The following SORBS2 variants were observed in gnomAD, a reference collection of about 807,000 sequenced individuals.
SORBS2 encodes the protein sorbin and SH3 domain-containing protein 2.
Under a neutral mutation model 97.7 loss-of-function variants are expected in SORBS2, and 46 were observed. The ratio of observed to expected loss-of-function variants is 0.47; its 90% CI spans 0.37 to 0.60. SORBS2 has a LOEUF of 0.60. SORBS2 is among the 20% of genes least tolerant of loss of function. The pLI is 0.00. For synonymous variants in SORBS2, 476 were observed against 473.4 expected (o/e 1.01, Z -0.07); for missense variants, 1,316 against 1,282.3 (o/e 1.03, Z -0.40).
chr4:185,663,869 T>C (rs1182987917), intron 4 of SORBS2, among the ~76,000 whole-genome samples: 1 of 141,672 alleles, frequency 7.1e-6, no homozygotes. Context: ...TTTTTTTTTT[T>C]TTTGAGATGG....
chr4:185,632,387 A>G (rs2096922409), intron 4 of SORBS2, among the ~76,000 whole-genome samples: 1 of 152,222 alleles, frequency 6.6e-6, no homozygotes, highest in Non-Finnish European at 1.5e-5. Flanking sequence ...CAAATATAAA[A>G]TCAGGAGAAA....
At chr4:185,598,005 G>A (rs2096155247) in intron 12 of SORBS2, among the ~76,000 whole-genome samples, 1 of 152,118 alleles carries the variant, frequency 6.6e-6, no homozygotes, top group African/African-American at 2.4e-5. Flanking sequence ...TTTGGTCCGT[G>A]TCCATTTCTA....
upstream of SORBS2, among the ~76,000 whole-genome samples, chr4:185,658,692 C>CTT (rs35439018): frequency 0.21 from 24,348 of 115,826 alleles, 2,972 homozygotes; most frequent in African/African-American, 0.27. Flanking sequence ...AATAAGTAAG[C>CTT]TTTTTTTTTT....
chr4:185,672,269 T>C (rs865940289), intron 4 of SORBS2, among the ~76,000 whole-genome samples: 2 of 152,242 alleles, frequency 1.3e-5, no homozygotes, highest in African/African-American at 2.4e-5. Flanking sequence ...CAAGTTCCCC[T>C]GTGAGTCCCC....
At chr4:185,806,460 T>G (rs1306972295) in intron 1 of SORBS2, among the ~76,000 whole-genome samples, 4 of 91,560 alleles carry the variant, frequency 4.4e-5, no homozygotes, top group Non-Finnish European at 6.7e-5. Context: ...TTTTTTTTTT[T>G]TTTTTTTTTT....
chr4:185,654,732 C>T (rs957551382), intron 1 of SORBS2, among the ~76,000 whole-genome samples: 1 of 152,182 alleles, frequency 6.6e-6, no homozygotes, highest in Non-Finnish European at 1.5e-5. Flanking sequence ...AAATAGTCTA[C>T]TCAAATTTCA....
In SORBS2 at chr4:185,616,983, G is replaced by A. The variant is rs146881051; in HGVS notation, c.2351+1602C>T. 2.7e-3 allele frequency among the ~76,000 whole-genome samples: 405 copies of A among 152,206 alleles called. 1 individual carries two copies. Among genetic ancestry groups the A allele is most frequent in the African/African-American group, 9.2e-3 (383 of 41,526 alleles). ...AGGCTGGTCTCGAACTTCTGACCTC[G>A]AGTGATCCATCTGCCTTGGCCTCCC... On this transcript the variant is annotated intron_variant, in intron 9 of 14. Transcript: ENST00000418609.
chr4:185,643,111 A>T (rs1479535117), intron 4 of SORBS2, among the ~76,000 whole-genome samples: 1 of 152,192 alleles, frequency 6.6e-6, no homozygotes, highest in Non-Finnish European at 1.5e-5. Context: ...GAAGCTCAAG[A>T]TCTCATGAGG....
chr4:185,710,069 C>G (rs1328107919), intron 2 of SORBS2: 1 of 152,066 alleles, frequency 6.6e-6, no homozygotes, highest in Non-Finnish European at 1.5e-5. Context: ...TGAAGGGAAC[C>G]AGGCCTCCGA....
At chr4:185,622,019 T>C (rs2096727537) in intron 7 of SORBS2, among the ~76,000 whole-genome samples, 1 of 152,244 alleles carries the variant, frequency 6.6e-6, no homozygotes, top group Non-Finnish European at 1.5e-5. Context: ...CATTCCAGCC[T>C]CTTAAAATTT....
intron 1 of SORBS2, among the ~76,000 whole-genome samples, chr4:185,781,295 C>A (rs982225032): frequency 2.0e-5 from 3 of 152,246 alleles, no homozygotes; most frequent in Admixed American, 2.0e-4. Flanking sequence ...AGCACCTCTG[C>A]TGTTTATGTA....
At chr4:185,631,535 G>A (rs1223408326) in intron 4 of SORBS2, among the ~76,000 whole-genome samples, 1 of 152,114 alleles carries the variant, frequency 6.6e-6, no homozygotes, top group Non-Finnish European at 1.5e-5. Context: ...GGCCAACGCG[G>A]GTGGATCACC....
chr4:185,745,774 G>T (rs1275028677), intron 2 of SORBS2, among the ~76,000 whole-genome samples: 1 of 152,006 alleles, frequency 6.6e-6, no homozygotes, highest in South Asian at 2.1e-4. Context: ...CCCCTCCCCC[G>T]ATTTGAAGAC....
At chr4:185,932,365 T>A (rs1334687234) in intron 1 of SORBS2, among the ~76,000 whole-genome samples, 1 of 151,666 alleles carries the variant, frequency 6.6e-6, no homozygotes, top group Non-Finnish European at 1.5e-5. Flanking sequence ...TTTTGACATG[T>A]CCACTGCTGC....
At chr4:185,944,375 C>G (rs1183217328) in intron 1 of SORBS2, among the ~76,000 whole-genome samples, 1 of 152,156 alleles carries the variant, frequency 6.6e-6, no homozygotes, top group African/African-American at 2.4e-5. Context: ...TAAATACTTA[C>G]ATAGATTGAG....
intron 12 of SORBS2, among the ~76,000 whole-genome samples, chr4:185,605,624 A>G (rs374626846): frequency 8.1e-5 from 12 of 147,404 alleles, no homozygotes; most frequent in Middle Eastern, 4.0e-3. Context: ...TCGCTCTGTC[A>G]CCCAGGCTGG....
At chr4:185,919,485 A>G (rs1416007619) in intron 1 of SORBS2, 2 of 152,264 alleles carry the variant, frequency 1.3e-5, no homozygotes, top group East Asian at 3.9e-4. Context: ...GATCTCTGTA[A>G]TGAGAATAAT....
chr4:185,587,777 G>A (rs1028340441), intron 14 of SORBS2, 89 bp from the exon 27 acceptor site: 13 of 1,015,730 alleles, frequency 1.3e-5, no homozygotes, highest in Non-Finnish European at 2.0e-5. Context: ...ACAAGGCCTC[G>A]GAAGACAGCA....
At chr4:185,669,824 T>A (rs1336836796) in intron 4 of SORBS2, among the ~76,000 whole-genome samples, 2 of 152,184 alleles carry the variant, frequency 1.3e-5, no homozygotes, top group Admixed American at 6.5e-5. Flanking sequence ...AAATCTACAT[T>A]TTTGCTTATT....
Sources: gnomAD v4.1 joint callset for allele counts (sites outside exome capture counted in the v4.1 genomes callset) on GRCh38, gnomAD v4.1.1 for gene constraint, MANE v1.5 for transcripts, NCBI Gene and HGNC (gene_info 2026-07-23, HGNC 2026-07-21) for gene names.